ZMYM2: variants seen among roughly 807,000 people sequenced by gnomAD.
The protein encoded by ZMYM2 is zinc finger MYM-type protein 2.
Under a neutral mutation model 162.8 loss-of-function variants are expected in ZMYM2, and 56 were observed. The observed-to-expected ratio is 0.34, with a 90% CI of 0.28 to 0.43. The LOEUF is 0.43. Ranked by LOEUF, ZMYM2 falls within the 20% of genes least tolerant of loss-of-function variation. ZMYM2 has a pLI of 1.00. For synonymous variants in ZMYM2, 510 were observed against 541.6 expected, an observed-to-expected ratio of 0.94 and a Z score of 0.81; for missense variants, 1,275 against 1,621.8, an observed-to-expected ratio of 0.79 and a Z score of 3.67.
At chr13:19,902,410 A>G in the ZMYM2 span, among the ~76,000 whole-genome samples, 3 of 152,064 alleles carry the variant, frequency 2.0e-5, no homozygotes, top group Non-Finnish European at 4.4e-5. Flanking sequence ...TGAAGTCGGG[A>G]GTTCGAGACC....
chr13:19,965,980 G>A (rs1032477621), intron 2 of ZMYM2, among the ~76,000 whole-genome samples: 3 of 151,544 alleles, frequency 2.0e-5, no homozygotes, highest in Admixed American at 6.6e-5. Flanking sequence ...GGGTTTCACC[G>A]TGTTGGCCAG....
At chr13:19,969,203 C>T (rs1210353760) in intron 2 of ZMYM2, among the ~76,000 whole-genome samples, 9 of 152,204 alleles carry the variant, frequency 5.9e-5, no homozygotes, top group African/African-American at 1.7e-4. Context: ...ACGTATTCAT[C>T]GCAGTCTGAC....
intron 10 of ZMYM2, among the ~76,000 whole-genome samples, chr13:20,033,864 T>C (rs1418877049): frequency 5.3e-5 from 8 of 152,236 alleles, no homozygotes; most frequent in African/African-American, 1.7e-4. Context: ...GCCTACTTGT[T>C]TATACTCAAC....
rs144191628 is a variant in ZMYM2, at chr13:20,050,057, G to A, written c.2293-1376G>A. Among the ~76,000 whole-genome samples the A allele has an allele frequency of 3.1e-3, 468 of 152,084 alleles. 5 individuals are homozygous for A. The highest frequency in any genetic ancestry group is 0.011 in the African/African-American group (447 of 41,550). On this transcript the variant is annotated intron_variant, in intron 12 of 24. Transcript: ENST00000610343. ...ATTGAGTGAAAATATGATCTTGGTT[G>A]ATATTAAGTGCTATTGTTACTGAGA...
chr13:19,960,774 T>A (rs1023932683), intron 2 of ZMYM2, among the ~76,000 whole-genome samples: 1 of 152,246 alleles, frequency 6.6e-6, no homozygotes, highest in African/African-American at 2.4e-5. Flanking sequence ...CATATTTTCC[T>A]TCAGGCAATT....
Position 20,088,320 on chromosome 13 carries a change from T to A in ZMYM2, c.*2306T>A, listed in dbSNP as rs1220435231. ...GGATCTTAGTTTATGTGGTCATAGT[T>A]GACTGCTGAGAAAAGGACAATGAAA... On this transcript the variant is annotated 3_prime_UTR_variant, in exon 25 of 25. Transcript: ENST00000610343. 3 of 207,322 alleles carry A rather than the reference T, an allele frequency of 1.4e-5. No individual in the cohort carries two copies. The highest frequency in any genetic ancestry group is 6.8e-5 in the African/African-American group (3 of 43,950). 12.8% of individuals were successfully genotyped at this position (207,322 alleles called of 1,614,324 possible).
At chr13:20,039,495 A>G (rs1223824775) in intron 12 of ZMYM2, among the ~76,000 whole-genome samples, 1 of 128,612 alleles carries the variant, frequency 7.8e-6, no homozygotes, top group Non-Finnish European at 1.6e-5. Flanking sequence ...TTTTTTTGAC[A>G]TGGTGTCTCT....
intron 12 of ZMYM2, among the ~76,000 whole-genome samples, chr13:20,042,355 A>G (rs1954335054): frequency 6.6e-6 from 1 of 152,012 alleles, no homozygotes; most frequent in Non-Finnish European, 1.5e-5. Flanking sequence ...TTTGCTATTA[A>G]TACTTATGAT....
At position 19,980,392 on chromosome 13, in the gene ZMYM2, C is replaced by T. The variant is rs76383384; in HGVS notation, c.-10-12671C>T. Among the ~76,000 whole-genome samples the T allele has an allele frequency of 3.8e-4, 58 of 152,170 alleles. 1 individual carries two copies. The East Asian group carries it at 9.8e-3, about 26-fold the overall frequency. On this transcript the variant is annotated intron_variant, in intron 2 of 24. Coordinates refer to ENST00000610343, the MANE Select transcript of ZMYM2 (RefSeq NM_197968.4). ...GTCCGTCTTTTCTTATTCCCTACCT[C>T]ACTGTTTTATTTATTGTAGCTTCAT...
At chr13:20,077,746 C>T (rs558845570) in intron 21 of ZMYM2, among the ~76,000 whole-genome samples, 20 of 151,952 alleles carry the variant, frequency 1.3e-4, no homozygotes, top group East Asian at 3.9e-4. Context: ...CTGAGGGCTG[C>T]GGTAAGTAAG....
rs776504548 is a variant in ZMYM2, at chr13:20,051,549, A to G, written c.2409A>G (p.Gln803=). 1.9e-6 allele frequency: 3 copies of G among 1,613,568 alleles called. No homozygotes were observed. In the South Asian group the frequency reaches 3.3e-5, roughly 18 times the overall value. The change falls in exon 13 of 25, where the codon CAA becomes CAG. Residue 803 remains glutamine, a synonymous_variant. Transcript: ENST00000610343. ...GCTTACTGCGTTTCTACTGTCAACA[A>G]AATGAGCCCAACATGACAACTCAGA... The part of the protein sequence containing the change: ...QHCLLRFYCQ[Q]NEPNMTTQKG...
chr13:19,899,266 G>GAAAT, the ZMYM2 span, among the ~76,000 whole-genome samples: 95 of 151,656 alleles, frequency 6.3e-4, 1 homozygote, highest in East Asian at 1.6e-3. Flanking sequence ...CCCCACTTCT[G>GAAAT]AAATAAATAA....
At chr13:19,957,744 G>A (rs563697732), upstream of ZMYM2, among the ~76,000 whole-genome samples, 362 of 152,358 alleles carry the variant, frequency 2.4e-3, no homozygotes, top group African/African-American at 8.5e-3. Context: ...CGGAGCACAG[G>A]ACGGCGGCGC....
At chr13:20,035,806 A>G (rs1953638380) in intron 11 of ZMYM2, among the ~76,000 whole-genome samples, 1 of 152,190 alleles carries the variant, frequency 6.6e-6, no homozygotes, top group South Asian at 2.1e-4. Flanking sequence ...TGTCAGAAAT[A>G]ACAAAACACA....
intron 14 of ZMYM2, among the ~76,000 whole-genome samples, chr13:20,055,704 AC>A (rs752417505): frequency 2.0e-5 from 3 of 152,222 alleles, no homozygotes; most frequent in Non-Finnish European, 2.9e-5. Flanking sequence ...TTGCCAGTCT[AC>A]CCGAGTGCTA....
the ZMYM2 span, among the ~76,000 whole-genome samples, chr13:19,906,230 G>A: frequency 3.5e-5 from 5 of 141,520 alleles, no homozygotes; most frequent in Middle Eastern, 8.1e-3. Flanking sequence ...AACAGAAATC[G>A]CACCATTGCA....
intron 2 of ZMYM2, among the ~76,000 whole-genome samples, chr13:19,976,574 C>T (rs1225066708): frequency 6.6e-6 from 1 of 152,188 alleles, no homozygotes; most frequent in Admixed American, 6.5e-5. Context: ...CCAATTATCT[C>T]TTCCTCCGGC....
At chr13:20,006,243 AAAAAATT>A in intron 5 of ZMYM2, 124 bp from the exon 6 acceptor site, 1 of 908,928 alleles carries the variant, frequency 1.1e-6, no homozygotes, top group Non-Finnish European at 1.5e-6. Flanking sequence ...AAAAAAAAAA[AAAAAATT>A]TTTTTTTTCC....
At chr13:19,976,982 ACTG>A (rs1195726627) in intron 2 of ZMYM2, among the ~76,000 whole-genome samples, 1 of 152,212 alleles carries the variant, frequency 6.6e-6, no homozygotes, top group Non-Finnish European at 1.5e-5. Flanking sequence ...TATGTTTAGA[ACTG>A]CTGTATCTTC....
Sources: allele counts gnomAD v4.1 joint callset (sites outside exome capture counted in the v4.1 genomes callset), GRCh38; gene constraint gnomAD v4.1.1; transcripts MANE v1.5; gene names NCBI Gene and HGNC (gene_info 2026-07-23, HGNC 2026-07-21).